Variants in ERG observed in about 807,000 individuals in gnomAD.
The protein encoded by ERG is ETS transcription factor ERG.
A neutral mutation model predicts 55.3 loss-of-function variants in ERG; 9 were observed. The ratio of observed to expected loss-of-function variants is 0.16; its 90% CI spans 0.10 to 0.28. The LOEUF is 0.28. Among genes scored for constraint, ERG ranks in the 10% least tolerant of loss-of-function variants. ERG has a pLI of 1.00. For synonymous variants in ERG, 223 were observed against 237.3 expected (o/e 0.94, Z 0.55); for missense variants, 434 against 631.6 (o/e 0.69, Z 3.35).
chr21:38,389,360 C>A (rs1987860701), intron 9 of ERG, among the ~76,000 whole-genome samples: 1 of 152,052 alleles, frequency 6.6e-6, no homozygotes, highest in Admixed American at 6.6e-5. Flanking sequence ...GAAGGGACCA[C>A]AGACATTCTA....
At chr21:38,585,828 A>G (rs1268682679), upstream of ERG, among the ~76,000 whole-genome samples, 2 of 151,982 alleles carry the variant, frequency 1.3e-5, no homozygotes, top group Non-Finnish European at 2.9e-5. Flanking sequence ...AAACCTATGC[A>G]TAGAGGCAAA....
At chr21:38,402,437 T>C in intron 5 of ERG, 120 bp downstream of exon 5, 1 of 712,278 alleles carries the variant, frequency 1.4e-6, no homozygotes, top group Non-Finnish European at 2.4e-6. Context: ...GAAAGTATTC[T>C]GAATCATCTA....
intron 1 of ERG, among the ~76,000 whole-genome samples, chr21:38,649,617 T>A (rs1290181113): frequency 6.6e-6 from 1 of 152,206 alleles, no homozygotes; most frequent in Non-Finnish European, 1.5e-5. Flanking sequence ...TAATTTAGAC[T>A]TTAAATTAAA....
intron 1 of ERG, among the ~76,000 whole-genome samples, chr21:38,658,844 C>T (rs1322703720): frequency 1.3e-5 from 2 of 152,140 alleles, no homozygotes; most frequent in East Asian, 1.9e-4. Context: ...AAACGTGGAA[C>T]GTGGAGGGGG....
intron 2 of ERG, among the ~76,000 whole-genome samples, chr21:38,564,274 T>C (rs2059909555): frequency 6.6e-6 from 1 of 151,472 alleles, no homozygotes; most frequent in Admixed American, 6.6e-5. Flanking sequence ...TACTGGTAAA[T>C]ACACAGAAGT....
At chr21:38,483,516 T>C (rs1299110364) in intron 1 of ERG, among the ~76,000 whole-genome samples, 2 of 152,194 alleles carry the variant, frequency 1.3e-5, no homozygotes, top group Non-Finnish European at 2.9e-5. Flanking sequence ...CAATTGTATA[T>C]GCATCTGGGG....
At chr21:38,638,545 G>A (rs1209078593) in intron 1 of ERG, among the ~76,000 whole-genome samples, 1 of 152,216 alleles carries the variant, frequency 6.6e-6, no homozygotes, top group Non-Finnish European at 1.5e-5. Flanking sequence ...ACAAAGGGAA[G>A]AAAGAAGAGA....
At chr21:38,642,602 A>C (rs1260323033) in intron 1 of ERG, among the ~76,000 whole-genome samples, 1 of 152,186 alleles carries the variant, frequency 6.6e-6, no homozygotes, top group Admixed American at 6.5e-5. Flanking sequence ...TAGGTAACAA[A>C]GTCTGGCTGC....
intron 1 of ERG, among the ~76,000 whole-genome samples, chr21:38,601,806 C>T (rs1322911376): frequency 1.3e-5 from 2 of 152,278 alleles, no homozygotes; most frequent in Admixed American, 1.3e-4. Flanking sequence ...AATTTATTGA[C>T]ATTAAAAAAT....
At chr21:38,491,600 T>C (rs1002025990) in intron 1 of ERG, among the ~76,000 whole-genome samples, 1 of 152,274 alleles carries the variant, frequency 6.6e-6, no homozygotes, top group Non-Finnish European at 1.5e-5. Flanking sequence ...TAAATCATTT[T>C]GCTTGGCCTT....
At chr21:38,547,493 G>A (rs529419210) in intron 2 of ERG, among the ~76,000 whole-genome samples, 21 of 152,274 alleles carry the variant, frequency 1.4e-4, no homozygotes, top group African/African-American at 4.8e-4. Context: ...GGACACCTGG[G>A]AGAGATTTAT....
At chr21:38,391,541 G>A in intron 8 of ERG, 118 bp downstream of exon 8, 1 of 823,270 alleles carries the variant, frequency 1.2e-6, no homozygotes, top group Non-Finnish European at 2.0e-6. Flanking sequence ...TATGTATGGA[G>A]CTGTCGAAAA....
chr21:38,426,207 G>A (rs989675683), intron 2 of ERG, among the ~76,000 whole-genome samples: 3 of 152,156 alleles, frequency 2.0e-5, no homozygotes, highest in South Asian at 2.1e-4. Flanking sequence ...TATTTCCACC[G>A]CTGCCTACAC....
chr21:38,632,681 T>C (rs2060364287), intron 1 of ERG, among the ~76,000 whole-genome samples: 1 of 152,252 alleles, frequency 6.6e-6, no homozygotes, highest in Admixed American at 6.5e-5. Context: ...ACCATGATTG[T>C]GAGGCCTCCC....
At chr21:38,551,628 G>C (rs140186771) in intron 2 of ERG, among the ~76,000 whole-genome samples, 1 of 152,142 alleles carries the variant, frequency 6.6e-6, no homozygotes, top group Non-Finnish European at 1.5e-5. Flanking sequence ...TCAGGAGCAG[G>C]TTGTTCAATT....
At chr21:38,550,728 T>C (rs2059818947) in intron 2 of ERG, among the ~76,000 whole-genome samples, 1 of 152,214 alleles carries the variant, frequency 6.6e-6, no homozygotes, top group Non-Finnish European at 1.5e-5. Context: ...CTATTATGTA[T>C]GAGCAGGTGG....
chr21:38,624,102 C>T (rs1453607648), intron 1 of ERG, among the ~76,000 whole-genome samples: 1 of 152,190 alleles, frequency 6.6e-6, no homozygotes, highest in African/African-American at 2.4e-5. Flanking sequence ...GTGAGCCTAA[C>T]CACATGACTT....
chr21:38,495,933 C>G (rs1299320623), intron 1 of ERG, among the ~76,000 whole-genome samples: 1 of 152,190 alleles, frequency 6.6e-6, no homozygotes, highest in Non-Finnish European at 1.5e-5. Context: ...AGCACCAAAA[C>G]CAATCAGTGA....
At chr21:38,518,246 A>G (rs947761741) in intron 2 of ERG, among the ~76,000 whole-genome samples, 1 of 133,514 alleles carries the variant, frequency 7.5e-6, no homozygotes, top group African/African-American at 3.3e-5. Context: ...GTATCTATCT[A>G]TCTATCTATC....
Sources: gnomAD v4.1 joint callset for allele counts (sites outside exome capture counted in the v4.1 genomes callset) on GRCh38, gnomAD v4.1.1 for gene constraint, MANE v1.5 for transcripts, NCBI Gene and HGNC (gene_info 2026-07-23, HGNC 2026-07-21) for gene names.